MPDU1: variants seen among roughly 807,000 people sequenced by gnomAD.
MPDU1 encodes mannose-P-dolichol utilization defect 1 protein.
A neutral mutation model predicts 27.6 loss-of-function variants in MPDU1; 18 were observed. The ratio of observed to expected loss-of-function variants is 0.65; its 90% CI spans 0.45 to 0.97. The LOEUF is 0.97. MPDU1 is among the 50% of genes least tolerant of loss of function. The pLI is 0.00. For synonymous variants in MPDU1, 142 were observed against 131.1 expected (o/e 1.08, Z -0.57); for missense variants, 279 against 297.4 (o/e 0.94, Z 0.46).
intron 1 of MPDU1, 100 bp downstream of exon 1, chr17:7,584,065 C>CACTT: frequency 8.3e-7 from 1 of 1,205,514 alleles, no homozygotes; most frequent in Non-Finnish European, 1.2e-6. Context: ...TGACTGCCGC[C>CACTT]ATGCCGAGCT....
chr17:7,586,837 A>G, intron 4 of MPDU1, 60 bp downstream of exon 4: 2 of 1,611,420 alleles, frequency 1.2e-6, no homozygotes, highest in Non-Finnish European at 1.7e-6. Flanking sequence ...CTGGGAACTC[A>G]GGTCTGGGAA....
rs1191098069 is a variant in MPDU1, at chr17:7,585,996, T to C, written c.220T>C (p.Leu74=). ...CCTGGGAGCCAAGAGTGCTGAAGGG[T>C]TGAGTCTCCAGTCTGTAATGCTGGA... ...KILGAKSAEG[L]SLQSVMLELV... is the part of the protein sequence containing the mutation. Residue 74 remains leucine (L), a synonymous_variant, in exon 3 of 7, where the codon TTG becomes CTG. Coordinates refer to ENST00000250124, the MANE Select transcript of MPDU1 (RefSeq NM_004870.4). 4 of 1,614,058 alleles carry C rather than the reference T, an allele frequency of 2.5e-6. No individual in the cohort carries two copies. In the Admixed American group the frequency reaches 6.7e-5, roughly 27 times the overall value.
chr17:7,586,661 C>T (rs1183952452), intron 3 of MPDU1, 31 bp from the exon 4 acceptor site: 2 of 1,604,098 alleles, frequency 1.2e-6, no homozygotes, highest in South Asian at 2.2e-5. Flanking sequence ...TCTAGGCCCG[C>T]CTTTCTTCCT....
Position 7,588,186 on chromosome 17 carries a change from T to C in MPDU1, c.*635T>C, listed in dbSNP as rs778725487. 9.6e-6 allele frequency: 7 copies of C among 730,434 alleles called. No homozygotes were observed. The African/African-American group carries it at 1.0e-4, about 11-fold the overall frequency. 45.2% of individuals were successfully genotyped at this position (730,434 alleles called of 1,614,324 possible). A position where few individuals can be genotyped will look rare whatever the true frequency, so the allele number is the denominator to read the frequency against. On this transcript the variant is annotated 3_prime_UTR_variant, in exon 7 of 7. Coordinates refer to ENST00000250124, the MANE Select transcript of MPDU1 (RefSeq NM_004870.4). ...AAAGACTGGAGACTCAGTTGAATAA[T>C]ACAAAACTGTTTAATACTACCAAAA...
intron 1 of MPDU1, 103 bp downstream of exon 1, chr17:7,584,068 G>C (rs1172050677): frequency 8.5e-7 from 1 of 1,179,032 alleles, no homozygotes; most frequent in Non-Finnish European, 1.3e-6. Flanking sequence ...CTGCCGCCAT[G>C]CCGAGCTGGA....
chr17:7,586,141 AG>A, intron 3 of MPDU1, 63 bp downstream of exon 3: 1 of 1,601,302 alleles, frequency 6.2e-7, no homozygotes, highest in Non-Finnish European at 8.5e-7. Flanking sequence ...ATTAAGGTGA[AG>A]GAGGTTACAA....
chr17:7,587,351 AGGAACCTTTGTCCATAAG>A (rs2071602306), intron 6 of MPDU1, 57 bp from the exon 7 acceptor site: 1 of 1,613,398 alleles, frequency 6.2e-7, no homozygotes. Context: ...CTGCCCCGTG[AGGAACCTTTGTCCATAAG>A]GGAACCTTTC....
intron 3 of MPDU1, 64 bp downstream of exon 3, chr17:7,586,142 G>C: frequency 6.2e-7 from 1 of 1,601,408 alleles, no homozygotes; most frequent in Non-Finnish European, 8.5e-7. Flanking sequence ...TTAAGGTGAA[G>C]GAGGTTACAA....
In MPDU1 at chr17:7,586,987, C is replaced by T; in HGVS notation, c.477C>T (p.Ala159=). 1 of 1,611,906 alleles carries T rather than the reference C, an allele frequency of 6.2e-7. No individual in the cohort carries two copies. The highest frequency in any genetic ancestry group is 8.5e-7 in the Non-Finnish European group (1 of 1,179,460). The change falls in exon 5 of 7, where the codon GCC becomes GCT. Residue 159 remains alanine (A), a synonymous_variant. Transcript: ENST00000250124. ...TGACTGTAGTCACCCTGCTCCAGGC[C>T]TCCAATGTGCCTGCTGTGGTGGTGG... ...TPLTVVTLLQ[A]SNVPAVVVGR... is the part of the protein sequence containing the mutation.
chr17:7,583,727 A>T, upstream of MPDU1: 1 of 885,250 alleles, frequency 1.1e-6, no homozygotes, highest in Non-Finnish European at 1.9e-6. Flanking sequence ...GAGGGTGGGT[A>T]GCGTCAGAAA....
At position 7,587,857 on chromosome 17, in the gene MPDU1, G is replaced by C. The variant is rs1220546085; in HGVS notation, c.*306G>C. 3.7e-6 allele frequency: 2 copies of C among 536,514 alleles called. No homozygotes were observed. The highest frequency in any genetic ancestry group is 4.5e-5 in the Admixed American group (2 of 44,888). The allele number at this position is 536,514 out of a possible 1,614,324, so 33.2% of individuals were successfully genotyped here. On this transcript the variant is annotated 3_prime_UTR_variant, in exon 7 of 7. Coordinates refer to ENST00000250124, the MANE Select transcript of MPDU1 (RefSeq NM_004870.4). ...CCTCCTCTAGCAGCAATTTCCAGCT[G>C]TGTAACACTATCCTGGGCAAATGTT...
rs1291031445 is a variant in MPDU1 at position 7,586,062 on chromosome 17, A to T, written c.286A>T (p.Asn96Tyr). Reference protein sequence around the residue: ...LTGTMVYSITNNFPFSSWGEA... With the variant: ...LTGTMVYSITYNFPFSSWGEA... ...TGGGACCATGGTCTACAGCATCACT[A>T]ACAACTTCCCATTCAGGTGAGGGGC... The change falls in exon 3 of 7, where the codon AAC becomes TAC. Residue 96 changes from asparagine to tyrosine, a missense_variant. By Grantham distance (143) the Asn-to-Tyr change is moderately radical. Coordinates refer to ENST00000250124, the MANE Select transcript of MPDU1 (RefSeq NM_004870.4). 1.2e-6 allele frequency: 2 copies of T among 1,613,846 alleles called. No homozygotes were observed. Among genetic ancestry groups the T allele is most frequent in the East Asian group, 4.5e-5 (2 of 44,878 alleles).
intron 1 of MPDU1, chr17:7,584,396 C>A: frequency 2.8e-6 from 1 of 360,772 alleles, no homozygotes; most frequent in Non-Finnish European, 5.1e-6. Context: ...AGTCTGATTT[C>A]GGAATAATTT....
intron 3 of MPDU1, 82 bp from the exon 4 acceptor site, chr17:7,586,610 G>C: frequency 1.7e-6 from 2 of 1,199,996 alleles, no homozygotes; most frequent in East Asian, 4.7e-5. Flanking sequence ...AGAGCATAGT[G>C]TCCCTGGATG....
Position 7,585,777 on chromosome 17 carries a change from T to A in MPDU1, c.149T>A (p.Ile50Asn). Residue 50 changes from isoleucine to asparagine, a missense_variant, in exon 2 of 7, where the codon ATT (isoleucine) becomes AAT (asparagine). Ile to Asn is a moderately radical substitution (Grantham distance 149, BLOSUM62 -3). Transcript: ENST00000250124. Reference protein sequence around the residue: ...ILLSKGLGLGIVAGSLLVKLP... With the variant: ...ILLSKGLGLGNVAGSLLVKLP... Reference sequence around the variant, plus strand: ...CTCAGCAAAGGCCTGGGGCTGGGCATTGTGGCTGGCTCACTTCTAGGTATG... The same window carrying A: ...CTCAGCAAAGGCCTGGGGCTGGGCAATGTGGCTGGCTCACTTCTAGGTATG... The A allele has an allele frequency of 6.2e-7, 1 of 1,614,174 alleles. No individual in the cohort carries two copies. Among genetic ancestry groups the A allele is most frequent in the Non-Finnish European group, 8.5e-7 (1 of 1,180,014 alleles).
At chr17:7,585,654 G>T in intron 1 of MPDU1, 78 bp from the exon 2 acceptor site, 1 of 1,413,044 alleles carries the variant, frequency 7.1e-7, no homozygotes, top group South Asian at 1.2e-5. Context: ...GGGGGCTCGG[G>T]GAGAGCCCAC....
chr17:7,587,336 C>A (rs978906727), intron 6 of MPDU1, 65 bp downstream of exon 6: 1 of 1,612,904 alleles, frequency 6.2e-7, no homozygotes, highest in Non-Finnish European at 8.5e-7. Context: ...AGCTAAGGGC[C>A]AAAGCTGCCC....
In MPDU1 at chr17:7,587,588, A is replaced by T; in HGVS notation, c.*37A>T. On this transcript the variant is annotated 3_prime_UTR_variant, in exon 7 of 7. Transcript: ENST00000250124. ...GGAGTCATTCCGTTTCCACTCATTC[A>T]CCCAACCTCAGGGTTCTCCCCATCT... is the stretch of plus-strand genomic sequence containing the variant. 6.2e-7 allele frequency: 1 copy of T among 1,612,508 alleles called. No individual in the cohort carries two copies. The highest frequency in any genetic ancestry group is 8.5e-7 in the Non-Finnish European group (1 of 1,179,476).
rs2071536297 is a variant in MPDU1, at chr17:7,583,898, G to C, written c.36G>C (p.Leu12=). ...AGGCGGACGGACCGCTTAAACGGCT[G>C]CTCGTGCCGATTCTTTTACCTGAGA... ...AAEADGPLKR[L]LVPILLPEKC... The change falls in exon 1 of 7, where the codon CTG becomes CTC. Residue 12 remains leucine (L), a synonymous_variant. Coordinates refer to ENST00000250124, the MANE Select transcript of MPDU1 (RefSeq NM_004870.4). 1.2e-6 allele frequency: 2 copies of C among 1,614,098 alleles called. No individual in the cohort carries two copies. Among genetic ancestry groups the C allele is most frequent in the African/African-American group, 1.3e-5 (1 of 74,952 alleles).
Sources: gnomAD v4.1 joint callset for allele counts on GRCh38, gnomAD v4.1.1 for gene constraint, MANE v1.5 for transcripts, NCBI Gene and HGNC (gene_info 2026-07-23, HGNC 2026-07-21) for gene names.